The following NLGN1 variants were observed in gnomAD, a reference collection of about 807,000 sequenced individuals.
NLGN1 encodes neuroligin 1.
Under a neutral mutation model 65.5 loss-of-function variants are expected in NLGN1, and 12 were observed. The ratio of observed to expected loss-of-function variants is 0.18; its 90% CI spans 0.12 to 0.30. The LOEUF (loss-of-function observed/expected upper bound fraction) is 0.30. NLGN1 is among the 10% of genes least tolerant of loss of function. The pLI, the probability that NLGN1 is intolerant of heterozygous loss-of-function variation, is 1.00. For missense variants in NLGN1, 750 were observed against 1,007.1 expected (o/e 0.74, Z 3.46); for synonymous variants, 350 against 359.5 (o/e 0.97, Z 0.30).
chr3:174,235,620 T>A (rs1577499442), intron 4 of NLGN1, among the ~76,000 whole-genome samples: 1 of 152,136 alleles, frequency 6.6e-6, no homozygotes, highest in African/African-American at 2.4e-5. Flanking sequence ...AACACCCTTC[T>A]CAACTGGCTT....
intron 4 of NLGN1, among the ~76,000 whole-genome samples, chr3:174,056,925 T>A (rs556169879): frequency 6.6e-6 from 1 of 152,090 alleles, no homozygotes; most frequent in Admixed American, 6.6e-5. Context: ...TATATTTTTT[T>A]TCATTTTTCT....
At chr3:174,181,465 T>A (rs528936016) in intron 4 of NLGN1, among the ~76,000 whole-genome samples, 1 of 152,260 alleles carries the variant, frequency 6.6e-6, no homozygotes, top group South Asian at 2.1e-4. Context: ...AGCACTTACT[T>A]CATGCTCTCT....
At chr3:174,105,323 A>G (rs1713472956) in intron 4 of NLGN1, among the ~76,000 whole-genome samples, 1 of 152,096 alleles carries the variant, frequency 6.6e-6, no homozygotes, top group South Asian at 2.1e-4. Flanking sequence ...GGATCACTTC[A>G]GCCCAGGAGG....
intron 4 of NLGN1, among the ~76,000 whole-genome samples, chr3:173,962,906 A>G (rs1222709892): frequency 1.3e-5 from 2 of 152,284 alleles, no homozygotes; most frequent in African/African-American, 2.4e-5. Flanking sequence ...ACTGGTATGT[A>G]GCAGTTGAAG....
chr3:174,084,848 C>G (rs886184851), intron 4 of NLGN1, among the ~76,000 whole-genome samples: 1 of 151,894 alleles, frequency 6.6e-6, no homozygotes, highest in Non-Finnish European at 1.5e-5. Flanking sequence ...AAGTTAACTC[C>G]AAATACTTAA....
intron 4 of NLGN1, among the ~76,000 whole-genome samples, chr3:174,259,818 A>G (rs6809698): frequency 0.097 from 14,081 of 144,846 alleles, 765 homozygotes; most frequent in South Asian, 0.16. Context: ...ATATCTCCCA[A>G]TGCTATCCCT....
At chr3:173,836,188 A>AT in intron 4 of NLGN1, among the ~76,000 whole-genome samples, 1 of 152,290 alleles carries the variant, frequency 6.6e-6, no homozygotes. Flanking sequence ...AATATTTTGG[A>AT]TTACAGCCCT....
chr3:173,818,043 A>C (rs1423065737), intron 4 of NLGN1, among the ~76,000 whole-genome samples: 1 of 152,202 alleles, frequency 6.6e-6, no homozygotes, highest in Non-Finnish European at 1.5e-5. Flanking sequence ...ACAATAAACA[A>C]AAATATATTT....
chr3:174,022,352 T>A (rs1456000814), intron 4 of NLGN1, among the ~76,000 whole-genome samples: 1 of 152,116 alleles, frequency 6.6e-6, no homozygotes, highest in Non-Finnish European at 1.5e-5. Context: ...GCAAAATGCC[T>A]CTTGGTAATG....
chr3:173,940,750 A>C (rs1462379187), intron 4 of NLGN1, among the ~76,000 whole-genome samples: 1 of 152,146 alleles, frequency 6.6e-6, no homozygotes, highest in Non-Finnish European at 1.5e-5. Flanking sequence ...TTTCTCCCCC[A>C]GTGATATTTG....
At chr3:173,842,248 T>A (rs539382600) in intron 4 of NLGN1, among the ~76,000 whole-genome samples, 99 of 152,290 alleles carry the variant, frequency 6.5e-4, no homozygotes, top group African/African-American at 2.4e-3. Context: ...GTTTCTCCCA[T>A]GACATGTGGG....
At chr3:173,631,335 T>C (rs1337791151) in intron 3 of NLGN1, among the ~76,000 whole-genome samples, 3 of 152,116 alleles carry the variant, frequency 2.0e-5, no homozygotes, top group Non-Finnish European at 4.4e-5. Context: ...TCTTTAAGGG[T>C]TGACTTTCCT....
At chr3:173,557,014 G>T (rs887529803) in intron 2 of NLGN1, among the ~76,000 whole-genome samples, 1 of 134,762 alleles carries the variant, frequency 7.4e-6, no homozygotes, top group Non-Finnish European at 1.6e-5. Flanking sequence ...TATTTATTCA[G>T]ATTTTCTGTA....
intron 4 of NLGN1, among the ~76,000 whole-genome samples, chr3:173,815,966 G>A (rs1718950367): frequency 7.2e-6 from 1 of 138,954 alleles, no homozygotes; most frequent in South Asian, 2.3e-4. Flanking sequence ...TAAGGATATT[G>A]TGAAAATCCT....
intron 4 of NLGN1, among the ~76,000 whole-genome samples, chr3:173,899,767 A>G (rs1263905575): frequency 6.6e-6 from 1 of 152,054 alleles, no homozygotes; most frequent in Non-Finnish European, 1.5e-5. Context: ...AGCCTGAAAT[A>G]TTTGCTATCT....
intron 2 of NLGN1, among the ~76,000 whole-genome samples, chr3:173,457,187 A>G (rs903263909): frequency 1.3e-5 from 2 of 152,084 alleles, no homozygotes; most frequent in African/African-American, 4.8e-5. Context: ...TATCATTATC[A>G]TCACCATTAT....
chr3:173,568,785 G>A (rs1049556929), intron 2 of NLGN1, among the ~76,000 whole-genome samples: 16 of 152,020 alleles, frequency 1.1e-4, no homozygotes, highest in Non-Finnish European at 1.8e-4. Context: ...CCCATTCTCC[G>A]GCCTCAGCCT....
chr3:173,819,820 C>G (rs1355068739), intron 4 of NLGN1, among the ~76,000 whole-genome samples: 1 of 152,182 alleles, frequency 6.6e-6, no homozygotes, highest in Non-Finnish European at 1.5e-5. Flanking sequence ...CAAAAGTCAT[C>G]AATAAATATA....
chr3:174,170,598 T>C (rs531677117), intron 4 of NLGN1, among the ~76,000 whole-genome samples: 56 of 152,342 alleles, frequency 3.7e-4, no homozygotes, highest in Non-Finnish European at 6.3e-4. Flanking sequence ...ACTATACCTT[T>C]CAGCTCTGTA....
Sources: gnomAD v4.1 joint callset for allele counts (sites outside exome capture counted in the v4.1 genomes callset) on GRCh38, gnomAD v4.1.1 for gene constraint, MANE v1.5 for transcripts, NCBI Gene and HGNC (gene_info 2026-07-23, HGNC 2026-07-21) for gene names.